DNAH9: variants seen among roughly 807,000 people sequenced by gnomAD.
DNAH9 encodes the protein dynein axonemal heavy chain 9, also known as DNAH9 variant protein.
In DNAH9, 345 loss-of-function variants were observed where a neutral mutation model predicts 471.6. The ratio of observed to expected loss-of-function variants is 0.73; its 90% confidence interval spans 0.67 to 0.80. The LOEUF (loss-of-function observed/expected upper bound fraction) is 0.80, where lower values mean the gene tolerates loss of function less well. Ranked by LOEUF, DNAH9 falls within the 30% of genes least tolerant of loss-of-function variation. The pLI is 0.00. For missense variants in DNAH9, 5,407 were observed against 5,609.2 expected, an observed-to-expected ratio of 0.96 and a Z score of 1.15; for synonymous variants, 2,093 against 2,123.6, an observed-to-expected ratio of 0.99 and a Z score of 0.40.
rs201277948 is a variant in DNAH9 at position 11,763,544 on chromosome 17, A to G, written c.7100A>G (p.Lys2367Arg). 9.9e-5 allele frequency: 160 copies of G among 1,614,022 alleles called. No individual in the cohort carries two copies. The highest frequency in any genetic ancestry group is 1.2e-4 in the Non-Finnish European group (146 of 1,180,018). ...GAGGACATCCCTGCAGACTGCCCTA[A>G]GGAAATTTATGAGCATTATTTTGTG... ...TTEDIPADCP[K>R]EIYEHYFVFA... The change falls in exon 36 of 69, where the codon AAG becomes AGG. Residue 2367 changes from lysine to arginine, a missense_variant. Lys to Arg is a conservative substitution (Grantham distance 26). Transcript: ENST00000262442.
At chr17:11,692,288 T>C (rs2074347394) in intron 20 of DNAH9, among the ~76,000 whole-genome samples, 1 of 152,192 alleles carries the variant, frequency 6.6e-6, no homozygotes. Flanking sequence ...TTCCAGAGTC[T>C]TCATTAAAAC....
At chr17:11,603,520 C>T (rs2072430708) in intron 1 of DNAH9, among the ~76,000 whole-genome samples, 1 of 152,172 alleles carries the variant, frequency 6.6e-6, no homozygotes, top group Non-Finnish European at 1.5e-5. Context: ...GATGCCAACC[C>T]TAAGGCTGAA....
intron 45 of DNAH9, among the ~76,000 whole-genome samples, chr17:11,812,239 C>A (rs1469102623): frequency 6.6e-6 from 1 of 150,954 alleles, no homozygotes; most frequent in African/African-American, 2.4e-5. Context: ...TACAAATGTT[C>A]CTGAACAAAA....
intron 67 of DNAH9, among the ~76,000 whole-genome samples, chr17:11,961,068 A>C (rs1444047992): frequency 6.6e-6 from 1 of 152,080 alleles, no homozygotes; most frequent in Non-Finnish European, 1.5e-5. Context: ...TAATCCCAGC[A>C]CTTTGGGAGG....
At chr17:11,672,740 C>T (rs2073991633) in intron 17 of DNAH9, among the ~76,000 whole-genome samples, 1 of 152,082 alleles carries the variant, frequency 6.6e-6, no homozygotes, top group South Asian at 2.1e-4. Flanking sequence ...CTCCAACGCC[C>T]TTCACTCTAC....
At chr17:11,950,288 C>T (rs1975317310) in intron 67 of DNAH9, among the ~76,000 whole-genome samples, 1 of 152,190 alleles carries the variant, frequency 6.6e-6, no homozygotes. Context: ...CAGTGTTAGA[C>T]TTTCTATGGG....
In DNAH9 at chr17:11,854,254, G is replaced by A. The variant is rs762238753; in HGVS notation, c.9759G>A (p.Glu3253=). The change falls in exon 50 of 69, where the codon GAG becomes GAA. Residue 3253 remains glutamate (E), a synonymous_variant. Coordinates refer to ENST00000262442, the MANE Select transcript of DNAH9 (RefSeq NM_001372.4). ...PYLQDPEFNP[E]FVATKSYAAA... ...TGCAAGACCCCGAGTTCAATCCTGAGTTTGTGGCCACCAAATCCTATGCGG... is the reference window on the plus strand; with the variant it reads ...TGCAAGACCCCGAGTTCAATCCTGAATTTGTGGCCACCAAATCCTATGCGG... 8.1e-6 allele frequency: 13 copies of A among 1,614,194 alleles called. No homozygotes were observed. Among genetic ancestry groups the A allele is most frequent in the Non-Finnish European group, 1.1e-5 (13 of 1,180,048 alleles).
At chr17:11,644,817 G>T in intron 11 of DNAH9, 118 bp downstream of exon 11, 1 of 709,798 alleles carries the variant, frequency 1.4e-6, no homozygotes, top group Admixed American at 2.5e-5. Context: ...TATGTTTTAT[G>T]TTATAACCAC....
chr17:11,793,733 A>AG, intron 42 of DNAH9, 69 bp downstream of exon 42: 1 of 1,115,262 alleles, frequency 9.0e-7, no homozygotes, highest in Non-Finnish European at 1.2e-6. Context: ...ATGATCACCC[A>AG]ATGATAAAAT....
At position 11,679,808 on chromosome 17, in the gene DNAH9, G is replaced by C. The variant is rs1202576297; in HGVS notation, c.3405G>C (p.Lys1135Asn). ...AGAAGAGTGAGAGCGGCTTACTCAAGAAAGTTGAAAAAGGAGATTTCCAAG... is the reference window on the plus strand; with the variant it reads ...AGAAGAGTGAGAGCGGCTTACTCAACAAAGTTGAAAAAGGAGATTTCCAAG... ...FIKKSESGLL[K>N]KVEKGDFQGL... Residue 1135 changes from lysine (K) to asparagine (N), a missense_variant, in exon 18 of 69, where the codon AAG becomes AAC. Around this residue, in one of 3 missense-constraint regions of DNAH9, gnomAD observed 4,636 missense variants for 4,900.3 expected, o/e 0.95. Transcript: ENST00000262442. 5.6e-6 allele frequency: 9 copies of C among 1,614,016 alleles called. No individual in the cohort carries two copies. The highest frequency in any genetic ancestry group is 7.6e-6 in the Non-Finnish European group (9 of 1,180,014).
intron 68 of DNAH9, among the ~76,000 whole-genome samples, chr17:11,968,042 C>T (rs571551252): frequency 6.6e-6 from 1 of 152,192 alleles, no homozygotes; most frequent in Non-Finnish European, 1.5e-5. Flanking sequence ...GCTGTCAATA[C>T]ATCCTGTTAA....
At chr17:11,655,133 C>T (rs1054478695) in intron 14 of DNAH9, among the ~76,000 whole-genome samples, 6 of 152,054 alleles carry the variant, frequency 3.9e-5, no homozygotes, top group African/African-American at 1.4e-4. Context: ...CTTTTACCCT[C>T]CCCCACCTCC....
chr17:11,866,168 ATGATGGTGATGTACAGATGGGTTTT>A (rs1972046021), intron 50 of DNAH9, among the ~76,000 whole-genome samples: 1 of 149,574 alleles, frequency 6.7e-6, no homozygotes, highest in South Asian at 2.1e-4. Flanking sequence ...TTGGTCTTTG[ATGATGGTGATGTACAGATGGGTTTT>A]TGGTGTGGAT....
chr17:11,622,074 G>T (rs547457679), intron 6 of DNAH9, among the ~76,000 whole-genome samples: 15 of 138,582 alleles, frequency 1.1e-4, no homozygotes, highest in Admixed American at 9.4e-4. Flanking sequence ...GACAGAGCGA[G>T]ACTCCGTCTC....
In DNAH9 at chr17:11,834,615, A is replaced by G. The variant is rs201794330; in HGVS notation, c.9247-23A>G. The G allele has an allele frequency of 1.5e-5, 24 of 1,613,106 alleles. No homozygotes were observed. In the Admixed American group the frequency reaches 1.8e-4, roughly 12 times the overall value. ...GTCCCTCCAGTCACAACTCCTGATAAGTCCCGTGCTTCTCCAATGCAGGTG... is the reference window on the plus strand; with the variant it reads ...GTCCCTCCAGTCACAACTCCTGATAGGTCCCGTGCTTCTCCAATGCAGGTG... On this transcript the variant is annotated intron_variant, in intron 48 of 68. Coordinates refer to ENST00000262442, the MANE Select transcript of DNAH9 (RefSeq NM_001372.4).
At chr17:11,856,567 G>A (rs1045140697) in intron 50 of DNAH9, among the ~76,000 whole-genome samples, 22 of 120,582 alleles carry the variant, frequency 1.8e-4, no homozygotes, top group Admixed American at 9.1e-4. Flanking sequence ...TTAGCCGGGC[G>A]TGGTGGTGGC....
chr17:11,704,563 A>T (rs2074664870), intron 25 of DNAH9, 121 bp downstream of exon 25: 22 of 813,692 alleles, frequency 2.7e-5, no homozygotes, highest in Non-Finnish European at 3.7e-5. Flanking sequence ...CTGGGGGAGG[A>T]TCACAGTGGC....
chr17:11,614,731 A>G (rs1377907014), intron 4 of DNAH9, among the ~76,000 whole-genome samples: 1 of 152,140 alleles, frequency 6.6e-6, no homozygotes, highest in East Asian at 1.9e-4. Flanking sequence ...TTGTTGCTGC[A>G]TCCTCCAGAG....
chr17:11,772,754 A>ACT (rs1296371525), intron 38 of DNAH9, among the ~76,000 whole-genome samples: 1 of 152,138 alleles, frequency 6.6e-6, no homozygotes, highest in Non-Finnish European at 1.5e-5. Context: ...CTCCTAGCAC[A>ACT]CTAAGGGATG....
Sources: gnomAD v4.1 joint callset for allele counts (sites outside exome capture counted in the v4.1 genomes callset) on GRCh38, gnomAD v4.1.1 for gene constraint, gnomAD v4.1.1 regional missense constraint, MANE v1.5 for transcripts, NCBI Gene and HGNC (gene_info 2026-07-23, HGNC 2026-07-21) for gene names.